The following LAPTM4B variants were observed in gnomAD, a reference collection of about 807,000 sequenced individuals.
LAPTM4B encodes the protein lysosomal-associated transmembrane protein 4B.
LAPTM4B carries 26 observed loss-of-function variants against 28.5 expected under a neutral mutation model. That is an observed-to-expected ratio of 0.91 (90% CI 0.67 to 1.27). LAPTM4B has a LOEUF of 1.27. LAPTM4B is among the 50% of genes most tolerant of loss of function. The probability of loss-of-function intolerance (pLI) is 0.00; values close to 1 mark genes in which losing one functional copy is unlikely to be tolerated. For missense variants in LAPTM4B, 288 were observed against 285.8 expected (o/e 1.01, Z -0.06); for synonymous variants, 109 against 106.4 (o/e 1.02, Z -0.15).
chr8:97,822,227 G>A (rs1247593657), intron 5 of LAPTM4B, among the ~76,000 whole-genome samples: 1 of 150,986 alleles, frequency 6.6e-6, no homozygotes, highest in African/African-American at 2.5e-5. Flanking sequence ...CTCACTCATT[G>A]TAGTTCGTCT....
In LAPTM4B at chr8:97,775,821, A is replaced by T. The variant is rs759795558; in HGVS notation, c.-189A>T. 1 of 1,560,336 alleles carries T rather than the reference A, an allele frequency of 6.4e-7. No homozygotes were observed. Among genetic ancestry groups the T allele is most frequent in the South Asian group, 1.2e-5 (1 of 86,626 alleles). ...CGCTGCAGCGGTCGCCTTCGGAGCG[A>T]AGGGTACCGACCCGGCAGAAGCTCG... On this transcript the variant is annotated 5_prime_UTR_variant, in exon 1 of 7. Transcript: ENST00000521545.
At chr8:97,802,303 A>T (rs1477436698) in intron 1 of LAPTM4B, among the ~76,000 whole-genome samples, 2 of 152,186 alleles carry the variant, frequency 1.3e-5, no homozygotes, top group East Asian at 3.8e-4. Flanking sequence ...GGGGTGGATT[A>T]TTCATGAGTT....
chr8:97,841,283 A>G (rs1817345782), intron 6 of LAPTM4B, among the ~76,000 whole-genome samples: 1 of 152,284 alleles, frequency 6.6e-6, no homozygotes, highest in East Asian at 1.9e-4. Flanking sequence ...TATAGTATAT[A>G]TCATAGGTGG....
At chr8:97,791,231 G>A (rs1157390386) in intron 1 of LAPTM4B, among the ~76,000 whole-genome samples, 1 of 152,086 alleles carries the variant, frequency 6.6e-6, no homozygotes, top group African/African-American at 2.4e-5. Flanking sequence ...ACAGAGTTTA[G>A]GTCTCCATTG....
At chr8:97,806,754 C>G (rs568964295) in intron 2 of LAPTM4B, among the ~76,000 whole-genome samples, 1 of 152,058 alleles carries the variant, frequency 6.6e-6, no homozygotes, top group Non-Finnish European at 1.5e-5. Flanking sequence ...GCCAGGAGTT[C>G]GAGACCAGCC....
intron 2 of LAPTM4B, among the ~76,000 whole-genome samples, chr8:97,807,230 G>C (rs1274335549): frequency 1.3e-5 from 2 of 152,108 alleles, no homozygotes; most frequent in African/African-American, 4.8e-5. Flanking sequence ...TTCCCCCTCT[G>C]CAAGATAGGA....
chr8:97,815,528 T>C, intron 3 of LAPTM4B, 127 bp downstream of exon 3: 2 of 745,902 alleles, frequency 2.7e-6, no homozygotes, highest in Non-Finnish European at 4.5e-6. Flanking sequence ...ATCTCTCGTT[T>C]GTATTATGTG....
intron 5 of LAPTM4B, among the ~76,000 whole-genome samples, chr8:97,822,528 TTTTA>T (rs57772211): frequency 0.27 from 38,638 of 143,124 alleles, 5,326 homozygotes; most frequent in Non-Finnish European, 0.3. Context: ...ATGACTTCTA[TTTTA>T]TTTATTTATT....
chr8:97,796,643 G>T (rs569548923), intron 1 of LAPTM4B, among the ~76,000 whole-genome samples: 30 of 152,220 alleles, frequency 2.0e-4, no homozygotes, highest in African/African-American at 7.0e-4. Flanking sequence ...ATTACAGATA[G>T]AAATGTCCGG....
At chr8:97,776,825 C>T (rs1816227928) in intron 1 of LAPTM4B, among the ~76,000 whole-genome samples, 2 of 152,128 alleles carry the variant, frequency 1.3e-5, no homozygotes, top group Admixed American at 6.6e-5. Context: ...CAGACCTTTT[C>T]TTGACAGACT....
At position 97,826,269 on chromosome 8, in the gene LAPTM4B, T is replaced by G. The variant is rs76918872; in HGVS notation, c.603+1116T>G. ...AATCAAATATGCATGAGCAGTGGTT[T>G]AATAGACAGCCATGACCAGATGCAC... On this transcript the variant is annotated intron_variant, in intron 6 of 6. Transcript: ENST00000521545. Among the ~76,000 whole-genome samples the G allele has an allele frequency of 7.2e-3, 1,097 of 152,296 alleles. 13 individuals carry two copies. Among genetic ancestry groups the G allele is most frequent in the African/African-American group, 0.024 (1,015 of 41,548 alleles).
In LAPTM4B at chr8:97,778,324, T is replaced by A. The variant is rs933502137; in HGVS notation, c.99+2216T>A. ...TTTTCTTTTCTTTCTTTTTTTTTTT[T>A]AAAGTAGTGATTTTCACTCAGACCT... On this transcript the variant is annotated intron_variant, in intron 1 of 6. Coordinates refer to ENST00000521545, the MANE Select transcript of LAPTM4B (RefSeq NM_018407.6). Among the ~76,000 whole-genome samples the A allele has an allele frequency of 7.2e-5, 11 of 151,848 alleles. 1 individual carries two copies. The highest frequency in any genetic ancestry group is 4.6e-4 in the Admixed American group (7 of 15,218).
At chr8:97,805,228 G>C (rs1201884110) in intron 1 of LAPTM4B, 125 bp from the exon 2 acceptor site, 2 of 613,958 alleles carry the variant, frequency 3.3e-6, no homozygotes, top group African/African-American at 3.7e-5. Context: ...AGTGTTGAGA[G>C]TCAAGCCACT....
intron 1 of LAPTM4B, among the ~76,000 whole-genome samples, chr8:97,798,264 C>T (rs912314623): frequency 6.6e-6 from 1 of 152,134 alleles, no homozygotes; most frequent in Non-Finnish European, 1.5e-5. Context: ...GCTAATCCTA[C>T]CCCCAACCCC....
rs993549810 is a variant in LAPTM4B, at chr8:97,777,064, T to G, written c.99+956T>G. On this transcript the variant is annotated intron_variant, in intron 1 of 6. Coordinates refer to ENST00000521545, the MANE Select transcript of LAPTM4B (RefSeq NM_018407.6). The stretch of plus-strand genomic sequence containing the variant: ...GAGTTAGACCAGAGTTGCTTTGCAG[T>G]GAATACCACTGCATCGCGAGAAAAT... Among the ~76,000 whole-genome samples the G allele has an allele frequency of 7.3e-5, 11 of 150,148 alleles. No homozygotes were observed. In the Admixed American group the frequency reaches 7.4e-4, roughly 10 times the overall value.
At chr8:97,846,213 A>G (rs759248118) in intron 6 of LAPTM4B, among the ~76,000 whole-genome samples, 3 of 152,006 alleles carry the variant, frequency 2.0e-5, no homozygotes, top group Non-Finnish European at 4.4e-5. Flanking sequence ...ACCCTTGTGT[A>G]ATTTATACTT....
At chr8:97,841,028 G>T (rs1407791003) in intron 6 of LAPTM4B, among the ~76,000 whole-genome samples, 1 of 149,886 alleles carries the variant, frequency 6.7e-6, no homozygotes, top group Non-Finnish European at 1.5e-5. Flanking sequence ...TCCCAGATGG[G>T]GCGGCGGCTG....
chr8:97,812,616 ATTC>A (rs771210977), intron 2 of LAPTM4B, among the ~76,000 whole-genome samples: 4 of 152,184 alleles, frequency 2.6e-5, no homozygotes. Context: ...CCATTTTACT[ATTC>A]TTCTCTAGAA....
At chr8:97,825,620 A>G (rs538719727) in intron 6 of LAPTM4B, among the ~76,000 whole-genome samples, 4 of 152,334 alleles carry the variant, frequency 2.6e-5, no homozygotes, top group African/African-American at 9.6e-5. Flanking sequence ...TTCTTAGTAA[A>G]ATAATTTAGA....
Sources: allele counts gnomAD v4.1 joint callset (sites outside exome capture counted in the v4.1 genomes callset), GRCh38; gene constraint gnomAD v4.1.1; transcripts MANE v1.5; gene names NCBI Gene and HGNC (gene_info 2026-07-23, HGNC 2026-07-21).